SIPA1L1: variants seen among roughly 807,000 people sequenced by gnomAD.
SIPA1L1 encodes signal induced proliferation associated 1 like 1.
SIPA1L1 carries 26 observed loss-of-function variants against 162.7 expected under a neutral mutation model. The ratio of observed to expected loss-of-function variants is 0.16; its 90% CI spans 0.12 to 0.22. SIPA1L1 has a LOEUF of 0.22. Among genes scored for constraint, SIPA1L1 ranks in the 10% least tolerant of loss-of-function variants. The pLI, the probability that SIPA1L1 is intolerant of heterozygous loss-of-function variation, is 1.00. For synonymous variants in SIPA1L1, 829 were observed against 837.4 expected (o/e 0.99, Z 0.17); for missense variants, 1,874 against 2,241.0 (o/e 0.84, Z 3.31).
chr14:71,646,626 G>A (rs2042197510), intron 7 of SIPA1L1, among the ~76,000 whole-genome samples: 1 of 152,138 alleles, frequency 6.6e-6, no homozygotes, highest in Non-Finnish European at 1.5e-5. Flanking sequence ...CTCAAATATA[G>A]CCCTTGTCCC....
rs190556935 is a variant in SIPA1L1 at position 71,637,901 on chromosome 14, G to A, written c.1819-12434G>A. Among the ~76,000 whole-genome samples the A allele has an allele frequency of 3.3e-5, 5 of 152,074 alleles. No individual in the cohort carries two copies. The East Asian group carries it at 5.8e-4, about 18-fold the overall frequency. ...AATGAAATTAGATATTACCACCAAC[G>A]CCCCCAATAGCAACAATGTATTAAA... On this transcript the variant is annotated intron_variant, in intron 7 of 23. Transcript: ENST00000381232.
At chr14:71,596,760 C>G (rs2147877273) in intron 5 of SIPA1L1, among the ~76,000 whole-genome samples, 1 of 152,252 alleles carries the variant, frequency 6.6e-6, no homozygotes, top group African/African-American at 2.4e-5. Context: ...AATCTCTTTG[C>G]TTCCTTTGTT....
At chr14:71,330,546 G>T (rs968951600) in intron 2 of SIPA1L1, 50 of 1,425,174 alleles carry the variant, frequency 3.5e-5, no homozygotes, top group Non-Finnish European at 4.6e-5. Flanking sequence ...AGATGAAGAT[G>T]CCTAGCTGGG....
At chr14:71,692,074 A>G (rs186356374) in intron 13 of SIPA1L1, among the ~76,000 whole-genome samples, 2 of 152,294 alleles carry the variant, frequency 1.3e-5, no homozygotes, top group East Asian at 1.9e-4. Flanking sequence ...AGCTTTCCAC[A>G]CGAAGAGTTT....
chr14:71,349,197 A>G (rs900294963), intron 2 of SIPA1L1, among the ~76,000 whole-genome samples: 2 of 152,248 alleles, frequency 1.3e-5, no homozygotes, highest in African/African-American at 2.4e-5. Context: ...GTGATTGCAC[A>G]AAAAGGGAAT....
At chr14:71,733,956 A>G in intron 21 of SIPA1L1, 144 bp downstream of exon 21, 1 of 849,046 alleles carries the variant, frequency 1.2e-6, no homozygotes, top group Non-Finnish European at 1.8e-6. Context: ...AGTAGGGACC[A>G]GACCCTAAGC....
intron 2 of SIPA1L1, among the ~76,000 whole-genome samples, chr14:71,434,776 T>A (rs1468292875): frequency 6.6e-6 from 1 of 152,132 alleles, no homozygotes; most frequent in East Asian, 1.9e-4. Flanking sequence ...TCAGAGTCTC[T>A]CCCTATGTTG....
chr14:71,590,595 C>G (rs1448889829), intron 5 of SIPA1L1, among the ~76,000 whole-genome samples: 1 of 152,136 alleles, frequency 6.6e-6, no homozygotes, highest in Non-Finnish European at 1.5e-5. Context: ...ACAATCTTGT[C>G]TCGTGACTAA....
rs888520064 is a variant in SIPA1L1 at position 71,437,481 on chromosome 14, T to C, written c.-464-75262T>C. Among the ~76,000 whole-genome samples, 150 of 152,276 alleles carry C rather than the reference T, an allele frequency of 9.9e-4. 1 individual carries two copies. The highest frequency in any genetic ancestry group is 4.6e-4 in the Non-Finnish European group (31 of 68,002). On this transcript the variant is annotated intron_variant, in intron 2 of 23. Transcript: ENST00000381232. ...CTCTGTGGTTCGAGGTATTTCGGGG[T>C]GCCTCAGCCACTTAAGTAGCTAGGA...
At chr14:71,395,140 A>G (rs1336933902) in intron 2 of SIPA1L1, among the ~76,000 whole-genome samples, 2 of 152,252 alleles carry the variant, frequency 1.3e-5, no homozygotes, top group African/African-American at 2.4e-5. Context: ...TCTACAAAAT[A>G]CACTTCAAAT....
chr14:71,368,265 T>G (rs1240054673), intron 2 of SIPA1L1, among the ~76,000 whole-genome samples: 2 of 143,692 alleles, frequency 1.4e-5, no homozygotes, highest in Non-Finnish European at 3.0e-5. Context: ...ACCCACTAAC[T>G]CGTCATCTAG....
rs1464408029 is a variant in SIPA1L1 at position 71,671,134 on chromosome 14, G to A, written c.2271G>A (p.Arg757=). 6.2e-7 allele frequency: 1 copy of A among 1,608,168 alleles called. No homozygotes were observed. The highest frequency in any genetic ancestry group is 8.5e-7 in the Non-Finnish European group (1 of 1,176,166). Residue 757 remains arginine, a synonymous_variant, in exon 11 of 24, where the codon AGG becomes AGA. Coordinates refer to ENST00000381232, the MANE Select transcript of SIPA1L1 (RefSeq NM_001386936.1). ...DSVCYSVAVT[R]SRDVPSFGPP... is the part of the protein sequence containing the mutation. ...TGTCTCTCAGTGTGGCTGTTACCAG[G>A]TCCAGAGATGTGCCTTCCTTTGGGC...
intron 7 of SIPA1L1, among the ~76,000 whole-genome samples, chr14:71,637,607 G>A (rs1353102729): frequency 1.3e-5 from 2 of 151,896 alleles, no homozygotes; most frequent in Non-Finnish European, 2.9e-5. Flanking sequence ...GGTGGCTCAT[G>A]TCTGTAGTTA....
At chr14:71,705,579 T>A (rs2082379215) in intron 16 of SIPA1L1, among the ~76,000 whole-genome samples, 1 of 152,072 alleles carries the variant, frequency 6.6e-6, no homozygotes, top group Non-Finnish European at 1.5e-5. Context: ...GTCATCTGAT[T>A]CAGTCACTAA....
intron 2 of SIPA1L1, among the ~76,000 whole-genome samples, chr14:71,447,254 T>C (rs759321387): frequency 6.6e-6 from 1 of 152,028 alleles, no homozygotes; most frequent in Non-Finnish European, 1.5e-5. Context: ...AAAGGAAAAT[T>C]TGTAGGATAT....
chr14:71,342,816 G>C (rs1482430324), intron 2 of SIPA1L1, among the ~76,000 whole-genome samples: 1 of 152,136 alleles, frequency 6.6e-6, no homozygotes, highest in Non-Finnish European at 1.5e-5. Flanking sequence ...TGGTTTATTA[G>C]ATAAGGATTT....
chr14:71,361,087 C>G (rs988201053), intron 2 of SIPA1L1, among the ~76,000 whole-genome samples: 3 of 152,002 alleles, frequency 2.0e-5, no homozygotes, highest in Non-Finnish European at 2.9e-5. Context: ...GTACCCTTCC[C>G]CCTTCACTAG....
At chr14:71,599,460 C>CTTT (rs111750084) in intron 5 of SIPA1L1, among the ~76,000 whole-genome samples, 2 of 130,330 alleles carry the variant, frequency 1.5e-5, no homozygotes, top group Non-Finnish European at 1.6e-5. Flanking sequence ...CGATTTCATT[C>CTTT]TTTTTTTTTT....
chr14:71,490,409 T>C lies in SIPA1L1; in HGVS notation c.-464-22334T>C, dbSNP rs760367520. On this transcript the variant is annotated intron_variant, in intron 2 of 23. Coordinates refer to ENST00000381232, the MANE Select transcript of SIPA1L1 (RefSeq NM_001386936.1). ...AATGGTGTCAGTGCTTAACATTATG[T>C]CTTTTTGGTACTTTTCAGCAACACA... Among the ~76,000 whole-genome samples, 21 of 152,216 alleles carry C rather than the reference T, an allele frequency of 1.4e-4. 1 individual carries two copies. The highest frequency in any genetic ancestry group is 1.5e-4 in the Non-Finnish European group (10 of 68,024).
Sources: gnomAD v4.1 joint callset for allele counts (sites outside exome capture counted in the v4.1 genomes callset) on GRCh38, gnomAD v4.1.1 for gene constraint, MANE v1.5 for transcripts, NCBI Gene and HGNC (gene_info 2026-07-23, HGNC 2026-07-21) for gene names.